GAB1: variants seen among roughly 807,000 people sequenced by gnomAD.
GAB1 encodes GRB2-associated-binding protein 1.
A neutral mutation model predicts 66.5 loss-of-function variants in GAB1; 19 were observed. That is an observed-to-expected ratio of 0.29 (90% CI 0.20 to 0.42). The LOEUF (loss-of-function observed/expected upper bound fraction) is 0.42, where lower values mean the gene tolerates loss of function less well. Ranked by LOEUF, GAB1 falls within the 10% of genes least tolerant of loss-of-function variation. The probability of loss-of-function intolerance (pLI) is 1.00; values close to 1 mark genes in which losing one functional copy is unlikely to be tolerated. For missense variants in GAB1, 732 were observed against 858.5 expected (o/e 0.85, Z 1.84); for synonymous variants, 294 against 301.4 (o/e 0.98, Z 0.25).
intron 1 of GAB1, among the ~76,000 whole-genome samples, chr4:143,403,454 A>G (rs1731879464): frequency 6.6e-6 from 1 of 152,226 alleles, no homozygotes; most frequent in Non-Finnish European, 1.5e-5. Flanking sequence ...TTAGGGGCAA[A>G]ACACCATAAA....
chr4:143,398,928 A>G (rs1161600132), intron 1 of GAB1, among the ~76,000 whole-genome samples: 1 of 152,156 alleles, frequency 6.6e-6, no homozygotes, highest in Non-Finnish European at 1.5e-5. Flanking sequence ...TAAAATGGGC[A>G]GTTGGTTTAG....
intron 6 of GAB1, among the ~76,000 whole-genome samples, chr4:143,455,197 A>G (rs921492677): frequency 3.3e-5 from 5 of 152,122 alleles, no homozygotes; most frequent in African/African-American, 1.2e-4. Flanking sequence ...AAGGGGATGG[A>G]CTACATAACT....
chr4:143,410,049 CTT>C (rs924263767), intron 1 of GAB1, among the ~76,000 whole-genome samples: 10 of 142,134 alleles, frequency 7.0e-5, no homozygotes, highest in Non-Finnish European at 7.7e-5. Context: ...AAACCCCAAG[CTT>C]TTTTTTTTTT....
chr4:143,374,383 C>T (rs1250707388), intron 1 of GAB1, among the ~76,000 whole-genome samples: 1 of 152,148 alleles, frequency 6.6e-6, no homozygotes, highest in African/African-American at 2.4e-5. Flanking sequence ...AAAACCTGTT[C>T]AACAATTTTT....
intron 1 of GAB1, among the ~76,000 whole-genome samples, chr4:143,384,990 T>C (rs1377133262): frequency 6.6e-6 from 1 of 152,174 alleles, no homozygotes. Context: ...AAACCTACAG[T>C]CACAGAGCCA....
Position 143,337,084 on chromosome 4 carries a change from G to A in GAB1, c.-105G>A, listed in dbSNP as rs1268227162. ...CCAGTCCGTCCGGGGTGCGCGACCA[G>A]GAGAGCTAGGTTCTCGCCACTGCGC... On this transcript the variant is annotated 5_prime_UTR_variant, in exon 1 of 10. Coordinates refer to ENST00000262994, the MANE Select transcript of GAB1 (RefSeq NM_002039.4). 1 of 971,082 alleles carries A rather than the reference G, an allele frequency of 1.0e-6. No individual in the cohort carries two copies. The highest frequency in any genetic ancestry group is 2.7e-5 in the East Asian group (1 of 36,720). The allele number at this position is 971,082 out of a possible 1,614,324, so 60.2% of individuals were successfully genotyped here.
chr4:143,344,470 A>G (rs779497535), intron 1 of GAB1, among the ~76,000 whole-genome samples: 132 of 152,360 alleles, frequency 8.7e-4, no homozygotes, highest in Admixed American at 2.1e-3. Flanking sequence ...CAACTAATAC[A>G]GAAAACTTAT....
intron 2 of GAB1, among the ~76,000 whole-genome samples, chr4:143,419,660 C>T (rs1444321812): frequency 6.6e-6 from 1 of 152,096 alleles, no homozygotes; most frequent in Admixed American, 6.5e-5. Flanking sequence ...CTTTAATCTG[C>T]CAATACGTTC....
At chr4:143,451,253 G>A (rs1476056990) in intron 6 of GAB1, among the ~76,000 whole-genome samples, 4 of 152,084 alleles carry the variant, frequency 2.6e-5, no homozygotes, top group Admixed American at 6.6e-5. Context: ...GGATCTTCTC[G>A]TTAGAATAAA....
intron 6 of GAB1, chr4:143,457,803 A>G: frequency 9.5e-7 from 1 of 1,058,092 alleles, no homozygotes; most frequent in Non-Finnish European, 1.4e-6. Context: ...TGTATGGGGC[A>G]TTGGGAATTT....
intron 1 of GAB1, among the ~76,000 whole-genome samples, chr4:143,361,675 C>A (rs896674272): frequency 2.0e-5 from 3 of 152,160 alleles, no homozygotes; most frequent in Non-Finnish European, 2.9e-5. Context: ...CTTGCACCAC[C>A]AGCACAGTCA....
At chr4:143,383,521 A>G (rs931444354) in intron 1 of GAB1, among the ~76,000 whole-genome samples, 20 of 152,176 alleles carry the variant, frequency 1.3e-4, no homozygotes, top group African/African-American at 4.8e-4. Context: ...AATTACTTGT[A>G]ACTCTACTAC....
At chr4:143,387,371 T>C (rs1231689028) in intron 1 of GAB1, among the ~76,000 whole-genome samples, 1 of 152,190 alleles carries the variant, frequency 6.6e-6, no homozygotes, top group Non-Finnish European at 1.5e-5. Flanking sequence ...CCTCAGGTGA[T>C]CCACCTGCCT....
At chr4:143,356,679 A>G (rs1305495824) in intron 1 of GAB1, among the ~76,000 whole-genome samples, 6 of 152,122 alleles carry the variant, frequency 3.9e-5, no homozygotes, top group Admixed American at 1.3e-4. Flanking sequence ...GTTCACACAA[A>G]GAAAGGGAGG....
At chr4:143,410,280 A>T (rs978914724) in intron 1 of GAB1, among the ~76,000 whole-genome samples, 2 of 152,230 alleles carry the variant, frequency 1.3e-5, no homozygotes, top group Admixed American at 6.5e-5. Context: ...AGAACTCACA[A>T]AACAGGGTGT....
chr4:143,381,707 A>T (rs930708850), intron 1 of GAB1, among the ~76,000 whole-genome samples: 1 of 152,150 alleles, frequency 6.6e-6, no homozygotes, highest in Admixed American at 6.5e-5. Context: ...ACCGTTTTTT[A>T]AAATCGTGTG....
At chr4:143,391,965 A>C (rs1453457902) in intron 1 of GAB1, among the ~76,000 whole-genome samples, 1 of 152,190 alleles carries the variant, frequency 6.6e-6, no homozygotes, top group African/African-American at 2.4e-5. Context: ...ACTGTTGAAA[A>C]CAATTATAAG....
chr4:143,368,984 G>A (rs1730001510), intron 1 of GAB1, among the ~76,000 whole-genome samples: 1 of 151,812 alleles, frequency 6.6e-6, no homozygotes, highest in Non-Finnish European at 1.5e-5. Flanking sequence ...CTGTTGCCCA[G>A]GCTGGAGTGC....
At chr4:143,424,461 G>A (rs1012548117) in intron 2 of GAB1, among the ~76,000 whole-genome samples, 5 of 152,066 alleles carry the variant, frequency 3.3e-5, no homozygotes, top group African/African-American at 1.2e-4. Context: ...GTCACCATTT[G>A]TGGTATTTTA....
Sources: allele counts gnomAD v4.1 joint callset (sites outside exome capture counted in the v4.1 genomes callset), GRCh38; gene constraint gnomAD v4.1.1; transcripts MANE v1.5; gene names NCBI Gene and HGNC (gene_info 2026-07-23, HGNC 2026-07-21).